CD84: variants seen among roughly 807,000 people sequenced by gnomAD.
CD84 encodes the protein CD84 molecule.
In CD84, 22 loss-of-function variants were observed where a neutral mutation model predicts 33.8. The observed-to-expected ratio is 0.65, with a 90% CI of 0.46 to 0.93. CD84 has a LOEUF of 0.93. Ranked by LOEUF, CD84 falls within the 40% of genes least tolerant of loss-of-function variation. CD84 has a pLI of 0.00. For synonymous variants in CD84, 154 were observed against 145.2 expected, an observed-to-expected ratio of 1.06 and a Z score of -0.44; for missense variants, 400 against 397.6, an observed-to-expected ratio of 1.01 and a Z score of -0.05.
chr1:160,558,191 C>T (rs1417575551), intron 2 of CD84, among the ~76,000 whole-genome samples: 1 of 152,154 alleles, frequency 6.6e-6, no homozygotes, highest in African/African-American at 2.4e-5. Flanking sequence ...TTGAGACCTC[C>T]CAACAGAGGT....
chr1:160,541,325 T>C lies in CD84; in HGVS notation c.*6931A>G, dbSNP rs1260586441. 1 of 152,214 alleles carries C rather than the reference T, an allele frequency of 6.6e-6. No individual in the cohort carries two copies. The highest frequency in any genetic ancestry group is 1.5e-5 in the Non-Finnish European group (1 of 68,038). 9.4% of individuals were successfully genotyped at this position (152,214 alleles called of 1,614,324 possible). ...TTGCCACTAGTGAGCATAATTTCCA[T>C]GTTCAAATGAATAATGAACTAATCA... On this transcript the variant is annotated 3_prime_UTR_variant, in exon 7 of 7. Transcript: ENST00000368054.
At position 160,567,065 on chromosome 1, in the gene CD84, C is replaced by T. The variant is rs558077961; in HGVS notation, c.47-1320G>A. On this transcript the variant is annotated intron_variant, in intron 1 of 6. Transcript: ENST00000368054. Reference sequence around the variant, plus strand: ...TATTTAATAACCAATATGACGTGGGCCTTGACCAATCAGAAAGGGTGTTAG... The same window carrying T: ...TATTTAATAACCAATATGACGTGGGTCTTGACCAATCAGAAAGGGTGTTAG... Among the ~76,000 whole-genome samples the T allele has an allele frequency of 4.6e-5, 7 of 152,214 alleles. No individual in the cohort carries two copies. In the South Asian group the frequency reaches 1.0e-3, roughly 23 times the overall value.
At chr1:160,579,215 T>A (rs1002663181) in intron 1 of CD84, among the ~76,000 whole-genome samples, 177 bp downstream of exon 1, 21 of 152,102 alleles carry the variant, frequency 1.4e-4, no homozygotes, top group African/African-American at 4.8e-4. Flanking sequence ...CCTAAACACT[T>A]AGGTTTGAAT....
At chr1:160,572,928 G>A (rs999350209) in intron 1 of CD84, among the ~76,000 whole-genome samples, 1 of 152,140 alleles carries the variant, frequency 6.6e-6, no homozygotes. Context: ...GATCACTGAG[G>A]ACTGGTTGCT....
intron 2 of CD84, among the ~76,000 whole-genome samples, chr1:160,555,260 T>C (rs1656527239): frequency 6.6e-6 from 1 of 152,080 alleles, no homozygotes; most frequent in East Asian, 1.9e-4. Context: ...TGTTTTTGTA[T>C]TTTTAGTAGA....
Position 160,554,267 on chromosome 1 carries a change from ATAAT to A in CD84, c.389-125_389-122del, listed in dbSNP as rs1203436708. The A allele has an allele frequency of 1.3e-5, 13 of 1,007,780 alleles. No homozygotes were observed. In the East Asian group the frequency reaches 2.4e-4, roughly 19 times the overall value. The allele number at this position is 1,007,780 out of a possible 1,614,324, so 62.4% of individuals were successfully genotyped here. The stretch of plus-strand genomic sequence containing the variant: ...TCATTAAAAATTAAATTATAAAAAC[ATAAT>A]TAAATAAATTATGTTAAAAATAAAG... On this transcript the variant is annotated intron_variant, in intron 2 of 6. Coordinates refer to ENST00000368054, the MANE Select transcript of CD84 (RefSeq NM_003874.4).
In CD84 at chr1:160,546,794, CTG is replaced by C. The variant is rs1164032926; in HGVS notation, c.*1460_*1461del. The stretch of plus-strand genomic sequence containing the variant: ...TGCAGTTCAGCGTTAACTGTAGTGT[CTG>C]TGCTGGAATTGTCTCCTGAGCTACA... On this transcript the variant is annotated 3_prime_UTR_variant, in exon 7 of 7. Coordinates refer to ENST00000368054, the MANE Select transcript of CD84 (RefSeq NM_003874.4). 4.3e-6 allele frequency: 1 copy of C among 233,824 alleles called. No homozygotes were observed. The highest frequency in any genetic ancestry group is 8.2e-6 in the Non-Finnish European group (1 of 121,680). The allele number at this position is 233,824 out of a possible 1,614,324, so 14.5% of individuals were successfully genotyped here. A position where few individuals can be genotyped will look rare whatever the true frequency, so the allele number is the denominator to read the frequency against.
At chr1:160,567,871 A>T (rs1657425324) in intron 1 of CD84, among the ~76,000 whole-genome samples, 1 of 152,172 alleles carries the variant, frequency 6.6e-6, no homozygotes, top group East Asian at 1.9e-4. Context: ...TGGTCCAGGC[A>T]TGGGCATGTG....
intron 1 of CD84, among the ~76,000 whole-genome samples, chr1:160,567,400 A>T (rs771189418): frequency 2.0e-5 from 3 of 152,192 alleles, no homozygotes; most frequent in Non-Finnish European, 4.4e-5. Flanking sequence ...ATTTTCCCGT[A>T]GGAGCAGTAT....
intron 5 of CD84, 116 bp downstream of exon 5, chr1:160,550,822 C>T: frequency 1.3e-6 from 2 of 1,561,342 alleles, no homozygotes; most frequent in South Asian, 1.2e-5. Flanking sequence ...GTTGGAACCT[C>T]TGGACTCTTG....
At chr1:160,571,945 C>A (rs1657719744) in intron 1 of CD84, among the ~76,000 whole-genome samples, 1 of 152,148 alleles carries the variant, frequency 6.6e-6, no homozygotes, top group Non-Finnish European at 1.5e-5. Context: ...AAGGAAAGGG[C>A]AGGCAGTGGA....
chr1:160,557,574 C>G (rs1212436984), intron 2 of CD84, among the ~76,000 whole-genome samples: 1 of 152,120 alleles, frequency 6.6e-6, no homozygotes. Flanking sequence ...TGAGAAATGG[C>G]CAAGGTGTTC....
intron 1 of CD84, among the ~76,000 whole-genome samples, chr1:160,566,664 A>G (rs1268982919): frequency 1.3e-5 from 2 of 152,212 alleles, no homozygotes; most frequent in African/African-American, 2.4e-5. Context: ...GAAGATACCA[A>G]TGTTGATCAG....
chr1:160,549,212 G>T (rs949021933), intron 6 of CD84, among the ~76,000 whole-genome samples: 13 of 152,060 alleles, frequency 8.5e-5, no homozygotes, highest in Admixed American at 5.2e-4. Flanking sequence ...TGCCTTATAG[G>T]ATCACTCTCA....
rs1025982404 is a variant in CD84, at chr1:160,542,551, T to C, written c.*5705A>G. 6.6e-6 allele frequency: 1 copy of C among 152,196 alleles called. No individual in the cohort carries two copies. Among genetic ancestry groups the C allele is most frequent in the Non-Finnish European group, 1.5e-5 (1 of 68,032 alleles). 9.4% of individuals were successfully genotyped at this position (152,196 alleles called of 1,614,324 possible). On this transcript the variant is annotated 3_prime_UTR_variant, in exon 7 of 7. Transcript: ENST00000368054. ...CATTTAAAAATTCTCTGATGAATAA[T>C]CTATGTAATTATTTGCCTACAATAA...
chr1:160,569,329 C>T (rs1657535520), intron 1 of CD84, among the ~76,000 whole-genome samples: 1 of 151,954 alleles, frequency 6.6e-6, no homozygotes, highest in South Asian at 2.1e-4. Flanking sequence ...ATTTATTTTT[C>T]TGGGTGCTAA....
At chr1:160,562,853 A>G (rs1657078067) in intron 2 of CD84, among the ~76,000 whole-genome samples, 1 of 152,194 alleles carries the variant, frequency 6.6e-6, no homozygotes, top group Admixed American at 6.5e-5. Context: ...AGAGTCCACA[A>G]GGAACTTAAA....
chr1:160,572,366 G>T (rs183465490), intron 1 of CD84, among the ~76,000 whole-genome samples: 3 of 152,256 alleles, frequency 2.0e-5, no homozygotes, highest in Admixed American at 2.0e-4. Context: ...CCAGCTAGGA[G>T]GTATACAGAC....
chr1:160,567,402 G>A (rs1571377084), intron 1 of CD84, among the ~76,000 whole-genome samples: 3 of 152,274 alleles, frequency 2.0e-5, no homozygotes, highest in Middle Eastern at 6.8e-3. Context: ...TTTCCCGTAG[G>A]AGCAGTATCC....
Sources: gnomAD v4.1 joint callset for allele counts (sites outside exome capture counted in the v4.1 genomes callset) on GRCh38, gnomAD v4.1.1 for gene constraint, MANE v1.5 for transcripts, NCBI Gene and HGNC (gene_info 2026-07-23, HGNC 2026-07-21) for gene names.